RSPH1: variants seen among roughly 807,000 people sequenced by gnomAD.
The protein encoded by RSPH1 is radial spoke head 1 homolog.
Under a neutral mutation model 44.2 loss-of-function variants are expected in RSPH1, and 32 were observed. The observed-to-expected ratio is 0.72, with a 90% CI of 0.55 to 0.97. The LOEUF (loss-of-function observed/expected upper bound fraction) is 0.97. RSPH1 is among the 50% of genes least tolerant of loss of function. The pLI, the probability that RSPH1 is intolerant of heterozygous loss-of-function variation, is 0.00. For synonymous variants in RSPH1, 134 were observed against 147.3 expected (o/e 0.91, Z 0.65); for missense variants, 391 against 398.7 (o/e 0.98, Z 0.16).
At chr21:42,493,708 G>A (rs1000571336) in intron 1 of RSPH1, among the ~76,000 whole-genome samples, 5 of 152,174 alleles carry the variant, frequency 3.3e-5, no homozygotes, top group Non-Finnish European at 4.4e-5. Flanking sequence ...CTTAAGGTTC[G>A]AACACTCATG....
At position 42,474,782 on chromosome 21, in the gene RSPH1, C is replaced by T. The variant is rs1215447996; in HGVS notation, c.877+1116G>A. On this transcript the variant is annotated intron_variant, in intron 8 of 8. Coordinates refer to ENST00000291536, the MANE Select transcript of RSPH1 (RefSeq NM_080860.4). This position sits in a 1 kb window ranked among gnomAD's most constrained non-coding sequence, Gnocchi z 5.2. ...ATTGCTACAGCGCTCAGGGGAATTA[C>T]CGATCACGAAAGTCTATGCCAGCGC... is the stretch of plus-strand genomic sequence containing the variant. 3.4e-5 allele frequency among the ~76,000 whole-genome samples: 5 copies of T among 148,094 alleles called. No homozygotes were observed. The South Asian group carries it at 6.2e-4, about 18-fold the overall frequency.
intron 6 of RSPH1, among the ~76,000 whole-genome samples, chr21:42,478,590 A>G (rs1568960334): frequency 6.6e-6 from 1 of 152,242 alleles, no homozygotes; most frequent in Non-Finnish European, 1.5e-5. Context: ...ACCCTTTCAC[A>G]TTGCTGGTGG....
At chr21:42,475,814 G>T (rs973410558) in intron 8 of RSPH1, 84 bp downstream of exon 8, 4 of 1,492,140 alleles carry the variant, frequency 2.7e-6, no homozygotes, top group African/African-American at 2.9e-5. Flanking sequence ...CTGAAGGCAG[G>T]CCTTGGTGAA....
chr21:42,486,088 C>T (rs762552678), intron 4 of RSPH1: 43 of 574,444 alleles, frequency 7.5e-5, no homozygotes, highest in Non-Finnish European at 1.2e-4. Flanking sequence ...AGCTGTGGCT[C>T]AGGTCCCCCA....
chr21:42,477,885 G>C (rs769112216), intron 6 of RSPH1, among the ~76,000 whole-genome samples: 3 of 152,032 alleles, frequency 2.0e-5, no homozygotes, highest in Admixed American at 6.5e-5. Context: ...GAGCTTAGTA[G>C]AAACATAATT....
rs1333404067 is a variant in RSPH1, at chr21:42,494,789, T to C, written c.54+1344A>G. Among the ~76,000 whole-genome samples, 12 of 150,226 alleles carry C rather than the reference T, an allele frequency of 8.0e-5. No individual in the cohort carries two copies. In the East Asian group the frequency reaches 2.2e-3, roughly 27 times the overall value. On this transcript the variant is annotated intron_variant, in intron 1 of 8. Transcript: ENST00000291536. ...ATCTCGGCTCACTGCAACCTCTGCCTCCCGGGTTCAAGCCATTCTCCTGCC... is the reference window on the plus strand; with the variant it reads ...ATCTCGGCTCACTGCAACCTCTGCCCCCCGGGTTCAAGCCATTCTCCTGCC...
At chr21:42,485,631 T>C in intron 5 of RSPH1, 38 bp downstream of exon 5, 2 of 1,613,198 alleles carry the variant, frequency 1.2e-6, no homozygotes, top group Non-Finnish European at 1.7e-6. Context: ...GGGGTTATTT[T>C]GTACTTCATT....
intron 6 of RSPH1, among the ~76,000 whole-genome samples, chr21:42,478,483 C>T (rs570598138): frequency 1.3e-5 from 2 of 152,292 alleles, no homozygotes; most frequent in South Asian, 2.1e-4. Context: ...TCTGGGATAG[C>T]GTCCAATAAG....
intron 6 of RSPH1, among the ~76,000 whole-genome samples, chr21:42,481,868 G>A (rs1568962320): frequency 2.0e-5 from 3 of 152,168 alleles, no homozygotes; most frequent in Non-Finnish European, 4.4e-5. Flanking sequence ...ACCAGGGAAT[G>A]TCAATGTAGT....
At chr21:42,481,525 T>C (rs1005304190) in intron 6 of RSPH1, among the ~76,000 whole-genome samples, 3 of 152,172 alleles carry the variant, frequency 2.0e-5, no homozygotes, top group Admixed American at 2.0e-4. Flanking sequence ...TATGCAGACA[T>C]GGGAGAGTTT....
At chr21:42,487,120 G>A (rs1601633213) in intron 3 of RSPH1, among the ~76,000 whole-genome samples, 1 of 152,082 alleles carries the variant, frequency 6.6e-6, no homozygotes, top group African/African-American at 2.4e-5. Flanking sequence ...ACCTCCATAC[G>A]GCTTCTGCTA....
rs7275527 is a variant in RSPH1 at position 42,475,587 on chromosome 21, T to C, written c.877+311A>G. Among the ~76,000 whole-genome samples the C allele has an allele frequency of 0.22, 30,985 of 141,378 alleles. 3,976 individuals carry two copies. The highest frequency in any genetic ancestry group is 0.32 in the African/African-American group (11,876 of 37,612). The allele number at this position is 141,378 out of a possible 152,430, so 92.7% of individuals were successfully genotyped here. A position where few individuals can be genotyped will look rare whatever the true frequency, so the allele number is the denominator to read the frequency against. ...CATCTCAAAAAAAAAAAAAAAATCA[T>C]GCAACAGAAGAAAGCCAGGCTCTGC... On this transcript the variant is annotated intron_variant, in intron 8 of 8. Transcript: ENST00000291536.
At chr21:42,476,143 A>G in intron 7 of RSPH1, 96 bp from the exon 8 acceptor site, 2 of 1,208,310 alleles carry the variant, frequency 1.7e-6, no homozygotes, top group Non-Finnish European at 2.3e-6. Context: ...CCGTGCCCCC[A>G]CCCTCCCCCT....
intron 1 of RSPH1, 32 bp downstream of exon 1, chr21:42,496,101 C>T: frequency 6.2e-7 from 1 of 1,613,440 alleles, no homozygotes; most frequent in South Asian, 1.1e-5. Flanking sequence ...GCTGCGCACC[C>T]TGGGAAGCCC....
chr21:42,480,712 T>C (rs2054118831), intron 6 of RSPH1, among the ~76,000 whole-genome samples: 1 of 147,382 alleles, frequency 6.8e-6, no homozygotes, highest in Admixed American at 6.8e-5. Flanking sequence ...AAATTAGTGA[T>C]GAGTTTAGAC....
At position 42,492,801 on chromosome 21, in the gene RSPH1, G is replaced by A. The variant is rs373561308; in HGVS notation, c.231C>T (p.His77=). 117 of 1,612,924 alleles carry A rather than the reference G, an allele frequency of 7.3e-5. No individual in the cohort carries two copies. Among genetic ancestry groups the A allele is most frequent in the Non-Finnish European group, 9.0e-5 (106 of 1,178,970 alleles). ...CTGGATATATAAAAGTGCCTTGACC[G>A]TGCTTTTTATTTCTAACATATTCTC... ...YIGEYVRNKK[H]GQGTFIYPDG... The change falls in exon 3 of 9, where the codon CAC becomes CAT. Residue 77 remains histidine (H), a synonymous_variant. Transcript: ENST00000291536.
At chr21:42,475,796 G>A (rs1480564132) in intron 8 of RSPH1, 102 bp downstream of exon 8, 2 of 1,368,266 alleles carry the variant, frequency 1.5e-6, no homozygotes. Flanking sequence ...CGAGTCCCTG[G>A]GGCCCAGCTG....
At position 42,495,774 on chromosome 21, in the gene RSPH1, A is replaced by G. The variant is rs919381319; in HGVS notation, c.54+359T>C. The stretch of plus-strand genomic sequence containing the variant: ...CAGAAATGACTTATTCAAGGGCAGT[A>G]TGGCAGCGTGGGATGATCTGCTCAT... On this transcript the variant is annotated intron_variant, in intron 1 of 8. Transcript: ENST00000291536. 3.3e-5 allele frequency among the ~76,000 whole-genome samples: 5 copies of G among 152,192 alleles called. No homozygotes were observed. In the East Asian group the frequency reaches 9.6e-4, roughly 29 times the overall value.
intron 8 of RSPH1, among the ~76,000 whole-genome samples, chr21:42,473,489 T>TA (rs5844123): frequency 0.053 from 6,648 of 125,414 alleles, 576 homozygotes; most frequent in African/African-American, 0.18. Context: ...GATTCCATCT[T>TA]AAAAAAAAAA....
Sources: gnomAD v4.1 joint callset for allele counts (sites outside exome capture counted in the v4.1 genomes callset) on GRCh38, gnomAD v4.1.1 for gene constraint, Gnocchi (gnomAD v3.1) non-coding constraint, MANE v1.5 for transcripts, NCBI Gene and HGNC (gene_info 2026-07-23, HGNC 2026-07-21) for gene names.